Variants in GMDS observed in about 807,000 individuals in gnomAD.
GMDS encodes the protein GDP-mannose 4,6-dehydratase, also known as GDP-mannose 4,6 dehydratase.
Under a neutral mutation model 49.9 loss-of-function variants are expected in GMDS, and 20 were observed. The observed-to-expected ratio is 0.40, with a 90% CI of 0.28 to 0.58. The LOEUF is 0.58. Among genes scored for constraint, GMDS ranks in the 20% least tolerant of loss-of-function variants. GMDS has a pLI of 0.42. For missense variants in GMDS, 362 were observed against 481.4 expected, an observed-to-expected ratio of 0.75 and a Z score of 2.32; for synonymous variants, 177 against 178.6, an observed-to-expected ratio of 0.99 and a Z score of 0.07.
At chr6:2,177,757 G>C (rs1255519986) in intron 1 of GMDS, among the ~76,000 whole-genome samples, 1 of 152,100 alleles carries the variant, frequency 6.6e-6, no homozygotes, top group Non-Finnish European at 1.5e-5. Flanking sequence ...GGCAAAAGCT[G>C]GAAGCATTCC....
At chr6:2,239,017 A>T (rs1347283109) in intron 1 of GMDS, among the ~76,000 whole-genome samples, 1 of 152,054 alleles carries the variant, frequency 6.6e-6, no homozygotes, top group African/African-American at 2.4e-5. Context: ...TTAATAGTTC[A>T]TTGGTTTCAT....
intron 4 of GMDS, among the ~76,000 whole-genome samples, chr6:2,115,412 A>C (rs1177043993): frequency 6.6e-6 from 1 of 152,238 alleles, no homozygotes; most frequent in Non-Finnish European, 1.5e-5. Flanking sequence ...ATTAACATAA[A>C]GGTTTTACTT....
At chr6:2,069,165 GA>G (rs1771819819) in intron 4 of GMDS, among the ~76,000 whole-genome samples, 1 of 152,170 alleles carries the variant, frequency 6.6e-6, no homozygotes. Flanking sequence ...AAGCAATGGG[GA>G]AAGGATTCCC....
chr6:1,827,207 A>G (rs1450655468), intron 7 of GMDS, among the ~76,000 whole-genome samples: 2 of 151,772 alleles, frequency 1.3e-5, no homozygotes. Flanking sequence ...TATCCTGGAT[A>G]CACACTCGCT....
intron 7 of GMDS, among the ~76,000 whole-genome samples, chr6:1,768,471 GTACA>G: frequency 6.6e-6 from 1 of 152,290 alleles, no homozygotes; most frequent in East Asian, 1.9e-4. Context: ...TCAAACTTGG[GTACA>G]TACCTTAGAA....
intron 9 of GMDS, among the ~76,000 whole-genome samples, chr6:1,650,751 G>C (rs1162408363): frequency 1.4e-5 from 2 of 141,894 alleles, no homozygotes; most frequent in Admixed American, 1.4e-4. Flanking sequence ...ATTTTTTTTT[G>C]TATTTTTAGT....
intron 1 of GMDS, among the ~76,000 whole-genome samples, chr6:2,239,842 T>A (rs745604760): frequency 1.3e-5 from 2 of 152,048 alleles, no homozygotes; most frequent in African/African-American, 2.4e-5. Flanking sequence ...CCTGCCCCCA[T>A]GCCCAGCTAA....
intron 9 of GMDS, among the ~76,000 whole-genome samples, chr6:1,697,398 G>A (rs958478155): frequency 6.6e-5 from 10 of 152,326 alleles, no homozygotes; most frequent in South Asian, 2.1e-4. Flanking sequence ...TTTTCAGCAA[G>A]AATAATCCTG....
intron 4 of GMDS, among the ~76,000 whole-genome samples, chr6:2,086,552 C>G (rs1773027448): frequency 6.6e-6 from 1 of 152,224 alleles, no homozygotes; most frequent in African/African-American, 2.4e-5. Context: ...AGCTGCCGTT[C>G]TGCAGCTGAC....
chr6:1,830,975 T>A (rs1756610029), intron 7 of GMDS, among the ~76,000 whole-genome samples: 1 of 152,254 alleles, frequency 6.6e-6, no homozygotes, highest in African/African-American at 2.4e-5. Context: ...AATTTTTAAA[T>A]GGTTCTTCAA....
At chr6:2,096,914 G>C (rs552659515) in intron 4 of GMDS, among the ~76,000 whole-genome samples, 1 of 152,030 alleles carries the variant, frequency 6.6e-6, no homozygotes, top group Non-Finnish European at 1.5e-5. Flanking sequence ...TTAAGTTAGT[G>C]ACTGTAAATT....
chr6:2,012,381 C>T (rs1767616466), intron 4 of GMDS, among the ~76,000 whole-genome samples: 2 of 151,798 alleles, frequency 1.3e-5, no homozygotes, highest in Admixed American at 1.3e-4. Flanking sequence ...TTGTAAGACT[C>T]AATAATATGT....
intron 4 of GMDS, among the ~76,000 whole-genome samples, chr6:2,080,919 CT>C (rs1010654952): frequency 1.3e-5 from 2 of 152,134 alleles, no homozygotes; most frequent in African/African-American, 2.4e-5. Flanking sequence ...TGATATTCAA[CT>C]ACTGTATTTG....
intron 1 of GMDS, among the ~76,000 whole-genome samples, chr6:2,148,348 T>A (rs1389906138): frequency 6.6e-6 from 1 of 152,202 alleles, no homozygotes; most frequent in African/African-American, 2.4e-5. Context: ...CAGCAAAGTA[T>A]AAATATGAGA....
At chr6:1,926,397 G>C (rs1029334982) in intron 7 of GMDS, among the ~76,000 whole-genome samples, 4 of 152,210 alleles carry the variant, frequency 2.6e-5, no homozygotes, top group Non-Finnish European at 4.4e-5. Flanking sequence ...TCCTCCAAGA[G>C]GTCTGAGCAG....
At chr6:2,141,177 G>A (rs971766797) in intron 1 of GMDS, among the ~76,000 whole-genome samples, 1 of 152,176 alleles carries the variant, frequency 6.6e-6, no homozygotes, top group African/African-American at 2.4e-5. Context: ...AACCATCAAG[G>A]GGAGTGGGAT....
At chr6:2,111,883 A>T (rs1470102213) in intron 4 of GMDS, among the ~76,000 whole-genome samples, 1 of 152,194 alleles carries the variant, frequency 6.6e-6, no homozygotes, top group Non-Finnish European at 1.5e-5. Flanking sequence ...TTTCATCCTA[A>T]TTCCTTCCCT....
At chr6:2,098,995 A>T (rs116350628) in intron 4 of GMDS, among the ~76,000 whole-genome samples, 4,344 of 152,036 alleles carry the variant, frequency 0.029, 87 homozygotes, top group Middle Eastern at 0.051. Flanking sequence ...ACTTTTAACT[A>T]TTTTTTTTCT....
chr6:2,200,341 G>C (rs1053107627), intron 1 of GMDS, among the ~76,000 whole-genome samples: 1 of 151,936 alleles, frequency 6.6e-6, no homozygotes, highest in South Asian at 2.1e-4. Context: ...ATGCACATCC[G>C]AGATGAAACA....
Sources: allele counts gnomAD v4.1 joint callset (sites outside exome capture counted in the v4.1 genomes callset), GRCh38; gene constraint gnomAD v4.1.1; transcripts MANE v1.5; gene names NCBI Gene and HGNC (gene_info 2026-07-23, HGNC 2026-07-21).